Variants in THSD7B observed in about 807,000 individuals in gnomAD.
The protein encoded by THSD7B is thrombospondin type 1 domain containing 7B, also known as thrombospondin type-1 domain-containing protein 7B.
In THSD7B, 138 loss-of-function variants were observed where a neutral mutation model predicts 213.6. The observed-to-expected ratio is 0.65, with a 90% CI of 0.56 to 0.74. The LOEUF is 0.74. Ranked by LOEUF, THSD7B falls within the 30% of genes least tolerant of loss-of-function variation. The pLI is 0.00. For missense variants in THSD7B, 1,931 were observed against 1,991.5 expected, an observed-to-expected ratio of 0.97 and a Z score of 0.58; for synonymous variants, 742 against 687.0, an observed-to-expected ratio of 1.08 and a Z score of -1.25.
chr2:137,417,443 A>G (rs1315866688), intron 14 of THSD7B, among the ~76,000 whole-genome samples: 1 of 151,590 alleles, frequency 6.6e-6, no homozygotes, highest in Non-Finnish European at 1.5e-5. Flanking sequence ...ATTTTATTTT[A>G]TTTTACTTTA....
At chr2:137,650,779 G>C (rs1683123701) in intron 21 of THSD7B, among the ~76,000 whole-genome samples, 3 of 152,098 alleles carry the variant, frequency 2.0e-5, no homozygotes, top group Admixed American at 6.6e-5. Context: ...TTTGTCAAGA[G>C]TTTCTATCAT....
rs151038727 is a variant in THSD7B at position 137,588,481 on chromosome 2, G to GTT, written c.3423+15937_3423+15938dup. 3.5e-4 allele frequency among the ~76,000 whole-genome samples: 48 copies of GTT among 136,460 alleles called. 1 individual carries two copies. Among genetic ancestry groups the GTT allele is most frequent in the Admixed American group, 5.1e-4 (7 of 13,644 alleles). 89.5% of individuals were successfully genotyped at this position (136,460 alleles called of 152,430 possible). ...CTCTGGAGCTGGAATATTTTTCAGT[G>GTT]TTTTTTTTTTTTTCAATTTCTCCAT... On this transcript the variant is annotated intron_variant, in intron 17 of 27. Transcript: ENST00000409968.
intron 15 of THSD7B, among the ~76,000 whole-genome samples, chr2:137,501,361 G>A (rs191755416): frequency 1.3e-5 from 2 of 151,978 alleles, no homozygotes; most frequent in Admixed American, 1.3e-4. Flanking sequence ...AGTATGGAAT[G>A]TTGAATGAAT....
intron 5 of THSD7B, among the ~76,000 whole-genome samples, chr2:137,149,233 C>T (rs1055436292): frequency 6.6e-6 from 1 of 152,180 alleles, no homozygotes; most frequent in Non-Finnish European, 1.5e-5. Flanking sequence ...GTTTGGGAAC[C>T]TCTACTTAGA....
At chr2:136,789,940 A>G (rs892338397) in intron 1 of THSD7B, among the ~76,000 whole-genome samples, 6 of 152,158 alleles carry the variant, frequency 3.9e-5, no homozygotes, top group African/African-American at 1.4e-4. Flanking sequence ...GATAGAAAAG[A>G]TGGAGCCCTC....
intron 15 of THSD7B, among the ~76,000 whole-genome samples, chr2:137,457,729 T>C (rs1687790125): frequency 6.6e-6 from 1 of 152,178 alleles, no homozygotes; most frequent in Non-Finnish European, 1.5e-5. Flanking sequence ...AGTGAAAAGC[T>C]CTCCCCTCCT....
At chr2:137,613,237 G>A (rs138731800) in intron 17 of THSD7B, among the ~76,000 whole-genome samples, 2 of 152,166 alleles carry the variant, frequency 1.3e-5, no homozygotes, top group South Asian at 2.1e-4. Context: ...TCTCTCTTTC[G>A]TGAATTGCAT....
At chr2:137,569,420 A>G (rs780953509) in intron 16 of THSD7B, among the ~76,000 whole-genome samples, 10 of 152,004 alleles carry the variant, frequency 6.6e-5, no homozygotes, top group Non-Finnish European at 1.2e-4. Context: ...TAGTCCAAAG[A>G]CCCTTTTGTG....
intron 15 of THSD7B, among the ~76,000 whole-genome samples, chr2:137,456,724 C>T (rs1039755653): frequency 6.6e-6 from 1 of 152,178 alleles, no homozygotes; most frequent in Admixed American, 6.5e-5. Context: ...TGGATAAGAA[C>T]TTGTTTTAAA....
At chr2:137,413,831 C>T (rs1340717896) in intron 14 of THSD7B, among the ~76,000 whole-genome samples, 2 of 152,112 alleles carry the variant, frequency 1.3e-5, no homozygotes, top group Admixed American at 6.5e-5. Flanking sequence ...CTACTGTCTA[C>T]AGACTGACTT....
intron 12 of THSD7B, among the ~76,000 whole-genome samples, chr2:137,391,586 C>G (rs1440627033): frequency 6.6e-6 from 1 of 151,528 alleles, no homozygotes; most frequent in Non-Finnish European, 1.5e-5. Flanking sequence ...TATTGGGAGG[C>G]TGAGGCAGGA....
chr2:136,803,466 G>A (rs778000436), intron 1 of THSD7B, among the ~76,000 whole-genome samples: 1 of 152,134 alleles, frequency 6.6e-6, no homozygotes, highest in African/African-American at 2.4e-5. Flanking sequence ...GGAACTATGT[G>A]TAGAGGACAT....
Position 136,882,304 on chromosome 2 carries a change from C to T in THSD7B, c.126C>T (p.Phe42=), listed in dbSNP as rs1447096626. The change falls in exon 2 of 28, where the codon TTC becomes TTT. Residue 42 remains phenylalanine (F), a synonymous_variant. Coordinates refer to ENST00000409968, the MANE Select transcript of THSD7B (RefSeq NM_001316349.2). The stretch of plus-strand genomic sequence containing the variant: ...TGGAAGGCAAAAAGGATAATCAGTT[C>T]ATCTGGAAACCAGGTAGGAATGTCC... ...AHLEGKKDNQ[F]IWKPGPWGRC... is the part of the protein sequence containing the mutation. 2 of 1,534,024 alleles carry T rather than the reference C, an allele frequency of 1.3e-6. No homozygotes were observed. Among genetic ancestry groups the T allele is most frequent in the South Asian group, 2.5e-5 (2 of 80,742 alleles).
intron 5 of THSD7B, among the ~76,000 whole-genome samples, chr2:137,119,311 A>G (rs1688503644): frequency 6.6e-6 from 1 of 152,196 alleles, no homozygotes; most frequent in Admixed American, 6.5e-5. Flanking sequence ...GAGTTAGTCT[A>G]TGCACTAAAG....
chr2:137,062,903 G>A (rs1371263451), intron 3 of THSD7B, among the ~76,000 whole-genome samples: 1 of 151,802 alleles, frequency 6.6e-6, no homozygotes, highest in Admixed American at 6.6e-5. Flanking sequence ...AGAGAGGAGT[G>A]TTGAGGTCTC....
intron 15 of THSD7B, among the ~76,000 whole-genome samples, chr2:137,454,694 T>G (rs1445328547): frequency 6.6e-6 from 1 of 152,136 alleles, no homozygotes; most frequent in Admixed American, 6.5e-5. Flanking sequence ...TTTATGGCAA[T>G]TCTTTAGAGG....
At chr2:137,338,267 C>T (rs1288898852) in intron 12 of THSD7B, among the ~76,000 whole-genome samples, 2 of 151,910 alleles carry the variant, frequency 1.3e-5, no homozygotes, top group South Asian at 2.1e-4. Context: ...TTTTGCATGG[C>T]GAATAGCTTC....
rs71400559 is a variant in THSD7B, at chr2:136,962,403, C to CTTTTTTTTTTTTTTTTTTTTTTTTTT, written c.139+80111_139+80112insTTTTTTTTTTTTTTTTTTTTTTTTTT. On this transcript the variant is annotated intron_variant, in intron 2 of 27. Coordinates refer to ENST00000409968, the MANE Select transcript of THSD7B (RefSeq NM_001316349.2). ...AACACACTATACATAAATCTGTTAT[C>CTTTTTTTTTTTTTTTTTTTTTTTTTT]TTTTTTTTTTTTTTTTTTTTTTTTT... 2.0e-5 allele frequency among the ~76,000 whole-genome samples: 2 copies of CTTTTTTTTTTTTTTTTTTTTTTTTTT among 100,180 alleles called. 1 individual carries two copies. The highest frequency in any genetic ancestry group is 7.7e-5 in the African/African-American group (2 of 25,986). The allele number at this position is 100,180 out of a possible 152,430, so 65.7% of individuals were successfully genotyped here.
chr2:137,057,365 T>A, intron 3 of THSD7B, 135 bp downstream of exon 3: 1 of 918,404 alleles, frequency 1.1e-6, no homozygotes, highest in Non-Finnish European at 1.6e-6. Flanking sequence ...AAGTTTCATG[T>A]AAGAAATTTT....
Sources: gnomAD v4.1 joint callset for allele counts (sites outside exome capture counted in the v4.1 genomes callset) on GRCh38, gnomAD v4.1.1 for gene constraint, MANE v1.5 for transcripts, NCBI Gene and HGNC (gene_info 2026-07-23, HGNC 2026-07-21) for gene names.